The following CEMIP2 variants were observed in gnomAD, a reference collection of about 807,000 sequenced individuals.
CEMIP2 encodes cell surface hyaluronidase CEMIP2.
In CEMIP2, 79 loss-of-function variants were observed where a neutral mutation model predicts 146.9. The observed-to-expected ratio is 0.54, with a 90% CI of 0.45 to 0.65. CEMIP2 has a LOEUF of 0.65. CEMIP2 is among the 30% of genes least tolerant of loss of function. CEMIP2 has a pLI of 0.00. For missense variants in CEMIP2, 1,596 were observed against 1,696.2 expected, an observed-to-expected ratio of 0.94 and a Z score of 1.04; for synonymous variants, 601 against 606.3, an observed-to-expected ratio of 0.99 and a Z score of 0.13.
At chr9:71,723,136 G>GAAAAAAAAAAAAA (rs33948828) in intron 11 of CEMIP2, among the ~76,000 whole-genome samples, 3 of 104,224 alleles carry the variant, frequency 2.9e-5, no homozygotes, top group African/African-American at 3.8e-5. Context: ...AACAGCCAAA[G>GAAAAAAAAAAAAA]AAAAAAAAAA....
At chr9:71,759,384 T>C (rs955375658) in intron 1 of CEMIP2, among the ~76,000 whole-genome samples, 2 of 152,318 alleles carry the variant, frequency 1.3e-5, no homozygotes, top group African/African-American at 4.8e-5. Context: ...GTGGGGGTCA[T>C]AGGCTTTTGG....
At chr9:71,716,666 T>G in intron 13 of CEMIP2, 114 bp from the exon 14 acceptor site, 3 of 784,144 alleles carry the variant, frequency 3.8e-6, no homozygotes, top group Non-Finnish European at 5.8e-6. Flanking sequence ...ATTTACTCTC[T>G]ACATGACCAC....
chr9:71,688,401 T>C (rs1019613030), intron 22 of CEMIP2, among the ~76,000 whole-genome samples: 45 of 152,170 alleles, frequency 3.0e-4, no homozygotes, highest in East Asian at 3.9e-4. Context: ...TTCTTTCTTT[T>C]TTTTTTAGAG....
At position 71,740,617 on chromosome 9, in the gene CEMIP2, A is replaced by C. The variant is rs530161141; in HGVS notation, c.1035-385T>G. Among the ~76,000 whole-genome samples, 14 of 152,346 alleles carry C rather than the reference A, an allele frequency of 9.2e-5. No individual in the cohort carries two copies. The East Asian group carries it at 2.7e-3, about 29-fold the overall frequency. ...TTTCTATTAATACAATGTTCTCAAA[A>C]ATCTAATTGCATAATAGAATTACCC... On this transcript the variant is annotated intron_variant, in intron 4 of 23. Transcript: ENST00000377044.
chr9:71,715,364 C>T (rs1823019519), intron 14 of CEMIP2, among the ~76,000 whole-genome samples: 2 of 150,218 alleles, frequency 1.3e-5, no homozygotes, highest in Admixed American at 6.7e-5. Flanking sequence ...CCACCTCAGC[C>T]TTCCAAGTAG....
At chr9:71,748,548 A>C (rs1824153664) in intron 2 of CEMIP2, among the ~76,000 whole-genome samples, 1 of 152,240 alleles carries the variant, frequency 6.6e-6, no homozygotes. Context: ...CATAGACTTC[A>C]GCTCTGATTT....
At chr9:71,739,034 T>TA (rs1564018739) in intron 5 of CEMIP2, among the ~76,000 whole-genome samples, 1 of 151,966 alleles carries the variant, frequency 6.6e-6, no homozygotes, top group Non-Finnish European at 1.5e-5. Flanking sequence ...ATGGGAAACA[T>TA]AAAAAAAGTT....
intron 10 of CEMIP2, among the ~76,000 whole-genome samples, chr9:71,729,496 G>A (rs62547026): frequency 0.07 from 10,673 of 152,008 alleles, 541 homozygotes; most frequent in South Asian, 0.19. Context: ...GCAGGCGCCT[G>A]TGGTCCCAGC....
rs180697315 is a variant in CEMIP2 at position 71,736,281 on chromosome 9, G to C, written c.1205-1287C>G. ...TGTTGGAAGCAACCTCTCTCTCTCC[G>C]GTATTCTCTCGGTATACTGCCTGGT... On this transcript the variant is annotated intron_variant, in intron 5 of 23. Transcript: ENST00000377044. Among the ~76,000 whole-genome samples, 3 of 152,104 alleles carry C rather than the reference G, an allele frequency of 2.0e-5. No individual in the cohort carries two copies. In the East Asian group the frequency reaches 5.8e-4, roughly 29 times the overall value.
In CEMIP2 at chr9:71,732,793, G is replaced by A. The variant is rs542830370; in HGVS notation, c.1394-273C>T. Among the ~76,000 whole-genome samples, 12 of 138,590 alleles carry A rather than the reference G, an allele frequency of 8.7e-5. No homozygotes were observed. In the East Asian group the frequency reaches 2.0e-3, roughly 23 times the overall value. 90.9% of individuals were successfully genotyped at this position (138,590 alleles called of 152,430 possible). A position where few individuals can be genotyped will look rare whatever the true frequency, so the allele number is the denominator to read the frequency against. Reference sequence around the variant, plus strand: ...ATGATCTTGGCTTACTGCAAGCTCCGCCTCCCGGGTTCATGCCATTCTCCT... The same window carrying A: ...ATGATCTTGGCTTACTGCAAGCTCCACCTCCCGGGTTCATGCCATTCTCCT... On this transcript the variant is annotated intron_variant, in intron 6 of 23. Coordinates refer to ENST00000377044, the MANE Select transcript of CEMIP2 (RefSeq NM_013390.3).
At chr9:71,743,840 G>A (rs942457449) in intron 4 of CEMIP2, among the ~76,000 whole-genome samples, 8 of 152,066 alleles carry the variant, frequency 5.3e-5, no homozygotes, top group Non-Finnish European at 8.8e-5. Context: ...TTTCTAGCCT[G>A]TTCTAGAATT....
In CEMIP2 at chr9:71,745,116, T is replaced by TA; in HGVS notation, c.935dup (p.Ala313SerfsTer8). Reference sequence around the variant, plus strand: ...TTTTAGCGGCTGAATCCCCGACAGCTATGGCAACAATCCGACCTGGATCCT... The same window carrying TA: ...TTTTAGCGGCTGAATCCCCGACAGCTAATGGCAACAATCCGACCTGGATCCT... On this transcript the variant is annotated frameshift_variant, in exon 4 of 24. Transcript: ENST00000377044. LOFTEE classifies it high-confidence loss of function. The TA allele has an allele frequency of 6.2e-7, 1 of 1,614,162 alleles. No individual in the cohort carries two copies. The highest frequency in any genetic ancestry group is 8.5e-7 in the Non-Finnish European group (1 of 1,180,018).
chr9:71,729,801 A>G (rs763118444), intron 10 of CEMIP2, 44 bp downstream of exon 10: 2 of 1,583,656 alleles, frequency 1.3e-6, no homozygotes, highest in East Asian at 4.5e-5. Context: ...ATTTATAAAC[A>G]AGAAAAACAT....
At chr9:71,703,158 G>A (rs537950266) in intron 18 of CEMIP2, among the ~76,000 whole-genome samples, 2 of 152,306 alleles carry the variant, frequency 1.3e-5, no homozygotes, top group East Asian at 3.9e-4. Flanking sequence ...GCAAGAGATG[G>A]TGAGGGCTTG....
At chr9:71,694,272 A>G (rs140811813) in intron 21 of CEMIP2, among the ~76,000 whole-genome samples, 8 of 151,386 alleles carry the variant, frequency 5.3e-5, no homozygotes, top group South Asian at 2.1e-4. Context: ...ACAGGCACCC[A>G]CCCGCCTCTA....
chr9:71,697,992 G>C lies in CEMIP2; in HGVS notation c.3590C>G (p.Thr1197Ser), dbSNP rs1589129592. The change falls in exon 20 of 24, where the codon ACT (threonine) becomes AGT (serine). Residue 1197 changes from threonine to serine, a missense_variant. Physicochemically the swap from Thr to Ser is moderately conservative, Grantham distance 58. Coordinates refer to ENST00000377044, the MANE Select transcript of CEMIP2 (RefSeq NM_013390.3). ...CTTTTCATCCTTGTTTACCTGCCGA[G>C]TGCCACAGCCTTGACAGAGTCCAGT... is the stretch of plus-strand genomic sequence containing the variant. The part of the protein sequence containing the change: ...MLTGLCQGCG[T>S]RQVVFTSDPH... 1 of 1,613,446 alleles carries C rather than the reference G, an allele frequency of 6.2e-7. No homozygotes were observed.
chr9:71,763,272 T>C (rs966065749), intron 1 of CEMIP2, among the ~76,000 whole-genome samples: 1 of 152,218 alleles, frequency 6.6e-6, no homozygotes, highest in Non-Finnish European at 1.5e-5. Context: ...GAAGGCTTGC[T>C]GTCTCCAAAG....
At chr9:71,715,338 G>C (rs931083597) in intron 14 of CEMIP2, among the ~76,000 whole-genome samples, 1 of 148,572 alleles carries the variant, frequency 6.7e-6, no homozygotes, top group Non-Finnish European at 1.5e-5. Context: ...TGACCTGCTG[G>C]GCTCAAACAA....
Position 71,730,037 on chromosome 9 carries a change from C to T in CEMIP2, c.1979+11G>A, listed in dbSNP as rs754556279. On this transcript the variant is annotated intron_variant, in intron 9 of 23. Coordinates refer to ENST00000377044, the MANE Select transcript of CEMIP2 (RefSeq NM_013390.3). ...CTGACTCATGGGTTTTTCTCTCCGC[C>T]AATTACTCACATACAGTCAGTAGCA... The T allele has an allele frequency of 6.2e-7, 1 of 1,614,004 alleles. No homozygotes were observed. The highest frequency in any genetic ancestry group is 1.3e-5 in the African/African-American group (1 of 74,908).
Sources: gnomAD v4.1 joint callset for allele counts (sites outside exome capture counted in the v4.1 genomes callset) on GRCh38, gnomAD v4.1.1 for gene constraint, MANE v1.5 for transcripts, NCBI Gene and HGNC (gene_info 2026-07-23, HGNC 2026-07-21) for gene names.